Variants in ARFGEF2 observed in about 807,000 individuals in gnomAD.
The protein encoded by ARFGEF2 is brefeldin A-inhibited guanine nucleotide-exchange protein 2.
In ARFGEF2, 74 loss-of-function variants were observed where a neutral mutation model predicts 219.9. The ratio of observed to expected loss-of-function variants is 0.34; its 90% CI spans 0.28 to 0.41. The LOEUF is 0.41. ARFGEF2 is among the 10% of genes least tolerant of loss of function. The pLI is 1.00. For missense variants in ARFGEF2, 1,743 were observed against 2,218.3 expected (o/e 0.79, Z 4.30); for synonymous variants, 733 against 799.2 (o/e 0.92, Z 1.40).
At chr20:48,927,556 C>T (rs994814872) in intron 1 of ARFGEF2, among the ~76,000 whole-genome samples, 1 of 151,842 alleles carries the variant, frequency 6.6e-6, no homozygotes, top group Non-Finnish European at 1.5e-5. Context: ...GGCGTGGTGG[C>T]GCACACCCGT....
At chr20:48,942,055 C>G (rs2090996300) in intron 3 of ARFGEF2, 68 bp downstream of exon 3, 2 of 1,602,082 alleles carry the variant, frequency 1.2e-6, no homozygotes, top group African/African-American at 2.7e-5. Context: ...TTACACAGAA[C>G]TATGCTGGGG....
intron 14 of ARFGEF2, among the ~76,000 whole-genome samples, chr20:48,980,817 T>C (rs1447373045): frequency 1.3e-5 from 2 of 152,172 alleles, no homozygotes; most frequent in East Asian, 1.9e-4. Flanking sequence ...ATGCTTTTTT[T>C]TGCTTTCCAT....
Position 48,971,678 on chromosome 20 carries a change from G to A in ARFGEF2, c.1425+324G>A, listed in dbSNP as rs2091228639. Among the ~76,000 whole-genome samples, 2 of 152,056 alleles carry A rather than the reference G, an allele frequency of 1.3e-5. 1 individual carries two copies. The highest frequency in any genetic ancestry group is 4.1e-4 in the South Asian group (2 of 4,824). On this transcript the variant is annotated intron_variant, in intron 10 of 38. Transcript: ENST00000371917. ...GCACTTTGGGAAGCTGAGGCGGGCG[G>A]ATCATGAGGTCAGGAGATCGAGACC...
At chr20:49,012,247 C>T (rs1025835679) in intron 28 of ARFGEF2, among the ~76,000 whole-genome samples, 163 bp downstream of exon 28, 2 of 152,122 alleles carry the variant, frequency 1.3e-5, no homozygotes, top group Admixed American at 1.3e-4. Context: ...GGGAGTTAGG[C>T]CTTTTCATTA....
intron 13 of ARFGEF2, 42 bp from the exon 14 acceptor site, chr20:48,975,962 TGTGTCTGTGTCC>T: frequency 6.3e-7 from 1 of 1,598,440 alleles, no homozygotes; most frequent in Non-Finnish European, 8.6e-7. Context: ...CTAGCTCGGC[TGTGTCTGTGTCC>T]CACTTGCTTA....
At chr20:48,948,398 C>G (rs904514707) in intron 3 of ARFGEF2, among the ~76,000 whole-genome samples, 2 of 152,198 alleles carry the variant, frequency 1.3e-5, no homozygotes, top group Non-Finnish European at 2.9e-5. Context: ...GAGGCACACA[C>G]AGGGTTATAG....
At chr20:48,968,132 T>C (rs1232967983) in intron 8 of ARFGEF2, among the ~76,000 whole-genome samples, 1 of 151,992 alleles carries the variant, frequency 6.6e-6, no homozygotes, top group Non-Finnish European at 1.5e-5. Context: ...TAGCTGGGAC[T>C]ACAGGTGCCC....
At chr20:49,031,312 C>G (rs1600564414) in intron 37 of ARFGEF2, among the ~76,000 whole-genome samples, 1 of 149,372 alleles carries the variant, frequency 6.7e-6, no homozygotes, top group South Asian at 2.1e-4. Context: ...TTACTGCAAC[C>G]TCCACCTCCT....
intron 28 of ARFGEF2, among the ~76,000 whole-genome samples, chr20:49,012,525 GTC>G (rs2091505975): frequency 6.7e-6 from 1 of 148,270 alleles, no homozygotes; most frequent in African/African-American, 2.5e-5. Context: ...TTTTTGATGT[GTC>G]TCATCTTTCT....
At chr20:48,996,173 TA>T (rs760250931) in intron 23 of ARFGEF2, among the ~76,000 whole-genome samples, 2 of 152,146 alleles carry the variant, frequency 1.3e-5, no homozygotes, top group African/African-American at 4.8e-5. Context: ...AGTTTAGGAT[TA>T]AAAGCCTACC....
intron 6 of ARFGEF2, among the ~76,000 whole-genome samples, chr20:48,959,563 C>T (rs577304799): frequency 1.9e-4 from 13 of 67,618 alleles, no homozygotes; most frequent in African/African-American, 2.4e-4. Context: ...CCTTCCCTCC[C>T]TCCCTCCCTC....
rs747419699 is a variant in ARFGEF2, at chr20:49,023,089, G to A, written c.4663G>A (p.Val1555Ile). The change falls in exon 35 of 39, where the codon GTC (valine) becomes ATC (isoleucine). Residue 1555 changes from valine to isoleucine, a missense_variant. Val to Ile is a conservative substitution (Grantham distance 29). Around this residue, in one of 5 missense-constraint regions of ARFGEF2, gnomAD observed 578 missense variants for 664.0 expected, o/e 0.87. Transcript: ENST00000371917. ...LFASLLIKCV[V>I]QLELIQTIDN... ...TGCCAGCCTCCTCATCAAGTGTGTGGTCCAGTTGGAATTGATACAGACCAT... is the reference window on the plus strand; with the variant it reads ...TGCCAGCCTCCTCATCAAGTGTGTGATCCAGTTGGAATTGATACAGACCAT... 4.3e-6 allele frequency: 7 copies of A among 1,614,092 alleles called. No homozygotes were observed. The African/African-American group carries it at 6.7e-5, about 15-fold the overall frequency.
intron 26 of ARFGEF2, among the ~76,000 whole-genome samples, chr20:49,008,744 G>A (rs570798620): frequency 8.8e-6 from 1 of 113,376 alleles, no homozygotes; most frequent in East Asian, 2.5e-4. Context: ...GTCTTGCCCT[G>A]TCGCCCAGGC....
At position 49,026,020 on chromosome 20, in the gene ARFGEF2, T is replaced by C. The variant is rs2091599906; in HGVS notation, c.4924+539T>C. ...AAAAGACAAATTGAAAGTTGGAGAA[T>C]TGAATTGATCTAGCAAGTCAAAACA... On this transcript the variant is annotated intron_variant, in intron 36 of 38. Transcript: ENST00000371917. Among the ~76,000 whole-genome samples, 3 of 148,908 alleles carry C rather than the reference T, an allele frequency of 2.0e-5. No homozygotes were observed. The Admixed American group carries it at 2.0e-4, about 10-fold the overall frequency.
intron 34 of ARFGEF2, among the ~76,000 whole-genome samples, chr20:49,022,621 A>G (rs1426736766): frequency 6.6e-6 from 1 of 152,132 alleles, no homozygotes; most frequent in East Asian, 1.9e-4. Context: ...CTTTGCTCAA[A>G]TGTCACATTT....
At chr20:49,021,045 C>T (rs560116688) in intron 34 of ARFGEF2, among the ~76,000 whole-genome samples, 2 of 152,036 alleles carry the variant, frequency 1.3e-5, no homozygotes, top group South Asian at 2.1e-4. Context: ...TCTTCTGGAA[C>T]TCCACTGTAT....
intron 30 of ARFGEF2, 41 bp from the exon 31 acceptor site, chr20:49,016,239 A>G (rs1227443505): frequency 6.2e-7 from 1 of 1,609,518 alleles, no homozygotes; most frequent in Non-Finnish European, 8.5e-7. Context: ...ATCTCACTGC[A>G]GGGAGAATAG....
At chr20:49,013,764 CCA>C in intron 29 of ARFGEF2, 65 bp from the exon 30 acceptor site, 1 of 1,613,990 alleles carries the variant, frequency 6.2e-7, no homozygotes. Flanking sequence ...TCACCTGACC[CCA>C]CTCTCTTCTC....
In ARFGEF2 at chr20:48,963,830, G is replaced by T; in HGVS notation, c.839G>T (p.Gly280Val). The part of the protein sequence containing the change: ...APRERGSSLS[G>V]TDDGAQEVVK... ...TTTGTATATTTGGATGTGTGTGTAGGGACTGATGACGGAGCCCAGGAGGTG... is the reference window on the plus strand; with the variant it reads ...TTTGTATATTTGGATGTGTGTGTAGTGACTGATGACGGAGCCCAGGAGGTG... Residue 280 changes from glycine to valine, a missense_variant and splice_region_variant, in exon 7 of 39, where the codon GGG becomes GTG. Around this residue, in one of 5 missense-constraint regions of ARFGEF2, gnomAD observed 394 missense variants for 426.6 expected, o/e 0.92. Transcript: ENST00000371917. 1 of 1,613,854 alleles carries T rather than the reference G, an allele frequency of 6.2e-7. No individual in the cohort carries two copies. Among genetic ancestry groups the T allele is most frequent in the Non-Finnish European group, 8.5e-7 (1 of 1,179,838 alleles).
Sources: allele counts gnomAD v4.1 joint callset (sites outside exome capture counted in the v4.1 genomes callset), GRCh38; gene constraint gnomAD v4.1.1; regional missense constraint gnomAD v4.1.1; transcripts MANE v1.5; gene names NCBI Gene and HGNC (gene_info 2026-07-23, HGNC 2026-07-21).